Variants in NPIPA5 observed in about 807,000 individuals in gnomAD.
NPIPA5 encodes nuclear pore complex-interacting protein family member A5.
Under a neutral mutation model 21.4 loss-of-function variants are expected in NPIPA5, and 6 were observed. The observed-to-expected ratio is 0.28, with a 90% CI of 0.15 to 0.55. NPIPA5 has a LOEUF of 0.55. Ranked by LOEUF, NPIPA5 falls within the 20% of genes least tolerant of loss-of-function variation. NPIPA5 has a pLI of 0.93. For missense variants in NPIPA5, 99 were observed against 318.2 expected (o/e 0.31, Z 5.24); for synonymous variants, 33 against 115.3 (o/e 0.29, Z 4.57).
intron 4 of NPIPA5, among the ~76,000 whole-genome samples, chr16:15,369,005 A>T (rs1190101678): frequency 8.8e-6 from 1 of 113,848 alleles, no homozygotes; most frequent in South Asian, 3.0e-4. Context: ...AAAAAAAAAA[A>T]TTGGCCGAAT....
At chr16:15,372,887 CT>C (rs954788075) in intron 2 of NPIPA5, among the ~76,000 whole-genome samples, 6 of 146,262 alleles carry the variant, frequency 4.1e-5, no homozygotes, top group African/African-American at 1.2e-4. Flanking sequence ...CAAGTACAGA[CT>C]TTTGACATAC....
upstream of NPIPA5, among the ~76,000 whole-genome samples, chr16:15,380,521 C>G (rs1189895252): frequency 6.6e-6 from 1 of 151,838 alleles, no homozygotes; most frequent in Non-Finnish European, 1.5e-5. Flanking sequence ...CGAGGTTTTG[C>G]CATATTGGTC....
At chr16:15,380,575 A>G (rs1267993780), upstream of NPIPA5, among the ~76,000 whole-genome samples, 1 of 152,032 alleles carries the variant, frequency 6.6e-6, no homozygotes, top group Non-Finnish European at 1.5e-5. Flanking sequence ...CACCAGCCTC[A>G]GCCTCCCAAA....
At chr16:15,376,531 AAAT>A (rs2050297908) in intron 1 of NPIPA5, among the ~76,000 whole-genome samples, 2 of 149,536 alleles carry the variant, frequency 1.3e-5, no homozygotes, top group South Asian at 4.3e-4. Context: ...TGTCTCAAAT[AAAT>A]AAATAAATAA....
At chr16:15,377,657 AAGGGG>A (rs1421513195) in intron 1 of NPIPA5, among the ~76,000 whole-genome samples, 1 of 73,974 alleles carries the variant, frequency 1.4e-5, no homozygotes, top group African/African-American at 5.6e-5. Context: ...GGGGAAGGGG[AAGGGG>A]AGGGGAAGGG....
Position 15,363,989 on chromosome 16 carries a change from G to A in NPIPA5, c.723C>T (p.Asn241=). The A allele has an allele frequency of 6.3e-7, 1 of 1,586,334 alleles. No individual in the cohort carries two copies. The highest frequency in any genetic ancestry group is 8.5e-7 in the Non-Finnish European group (1 of 1,174,786). Residue 241 remains asparagine, a synonymous_variant, in exon 8 of 8, where the codon AAC becomes AAT. Coordinates refer to ENST00000360151, the MANE Select transcript of NPIPA5 (RefSeq NM_001277325.2). ...WPYLTAETLK[N]RMGHQPPPPT... The stretch of plus-strand genomic sequence containing the variant: ...GAGGAGGTGGCTGGTGGCCCATCCT[G>A]TTTTTTAAAGTTTCAGCTGTGAGGT...
Position 15,375,857 on chromosome 16 carries a change from A to G in NPIPA5, c.64-2014T>C, listed in dbSNP as rs1009701226. Reference sequence around the variant, plus strand: ...ATTAGACTCTTATGTGAGTGAAGACAAAGACTTCCCCTGAGTAAGTTCAGA... The same window carrying G: ...ATTAGACTCTTATGTGAGTGAAGACGAAGACTTCCCCTGAGTAAGTTCAGA... On this transcript the variant is annotated intron_variant, in intron 1 of 7. Coordinates refer to ENST00000360151, the MANE Select transcript of NPIPA5 (RefSeq NM_001277325.2). 4.9e-3 allele frequency among the ~76,000 whole-genome samples: 738 copies of G among 151,930 alleles called. 14 individuals carry two copies. Among genetic ancestry groups the G allele is most frequent in the African/African-American group, 0.016 (661 of 41,448 alleles).
chr16:15,380,208 T>A (rs1030648265), upstream of NPIPA5, among the ~76,000 whole-genome samples: 5 of 152,010 alleles, frequency 3.3e-5, no homozygotes, highest in African/African-American at 9.7e-5. Context: ...GGTTAATTCT[T>A]TTATTCAAAA....
In NPIPA5 at chr16:15,370,633, C is replaced by T. The variant is rs1045527030; in HGVS notation, c.193-514G>A. On this transcript the variant is annotated intron_variant, in intron 2 of 7. Coordinates refer to ENST00000360151, the MANE Select transcript of NPIPA5 (RefSeq NM_001277325.2). Reference sequence around the variant, plus strand: ...AGGCATGGTGGTGCATGCCTGTAATCCCAGCTAGTCGGGAGGCTGAGGCAG... The same window carrying T: ...AGGCATGGTGGTGCATGCCTGTAATTCCAGCTAGTCGGGAGGCTGAGGCAG... Among the ~76,000 whole-genome samples the T allele has an allele frequency of 4.2e-5, 6 of 142,432 alleles. 1 individual carries two copies. Among genetic ancestry groups the T allele is most frequent in the African/African-American group, 1.5e-4 (6 of 39,350 alleles). The allele number at this position is 142,432 out of a possible 152,430, so 93.4% of individuals were successfully genotyped here.
intron 1 of NPIPA5, among the ~76,000 whole-genome samples, chr16:15,375,531 C>T (rs1328687561): frequency 3.3e-5 from 5 of 151,034 alleles, no homozygotes; most frequent in Admixed American, 2.6e-4. Flanking sequence ...ACCACGAGAT[C>T]AGGAGATTGA....
At chr16:15,376,174 C>G (rs992576090) in intron 1 of NPIPA5, among the ~76,000 whole-genome samples, 3 of 150,944 alleles carry the variant, frequency 2.0e-5, no homozygotes, top group East Asian at 1.9e-4. Context: ...AGCAAGCTAA[C>G]CTATGATAAG....
At chr16:15,380,505 T>G (rs569945179), upstream of NPIPA5, among the ~76,000 whole-genome samples, 693 of 152,084 alleles carry the variant, frequency 4.6e-3, 5 homozygotes, top group African/African-American at 0.016. Context: ...GTATTTTTAG[T>G]AGGGACGAGG....
At chr16:15,369,322 G>C (rs901197614) in intron 4 of NPIPA5, among the ~76,000 whole-genome samples, 8 of 149,818 alleles carry the variant, frequency 5.3e-5, no homozygotes, top group Non-Finnish European at 8.9e-5. Flanking sequence ...TGGGCGTGGT[G>C]GTGGGCACCT....
chr16:15,370,374 C>T (rs1468126475), intron 2 of NPIPA5, among the ~76,000 whole-genome samples: 14 of 139,548 alleles, frequency 1.0e-4, no homozygotes, highest in East Asian at 4.6e-4. Flanking sequence ...TGCAGTGAGC[C>T]GAGATCACAC....
chr16:15,369,427 A>G (rs1345738017), intron 4 of NPIPA5, among the ~76,000 whole-genome samples: 1 of 151,558 alleles, frequency 6.6e-6, no homozygotes, highest in African/African-American at 2.4e-5. Context: ...GGCCTGGGCA[A>G]CAAGAGCAAA....
chr16:15,379,434 G>T (rs1038579004), upstream of NPIPA5, among the ~76,000 whole-genome samples: 1 of 151,400 alleles, frequency 6.6e-6, no homozygotes, highest in South Asian at 2.1e-4. Context: ...GGGTGTGGTG[G>T]TGGGCACCTG....
At chr16:15,377,614 G>C (rs193262704) in intron 1 of NPIPA5, among the ~76,000 whole-genome samples, 1 of 127,426 alleles carries the variant, frequency 7.8e-6, no homozygotes, top group African/African-American at 2.9e-5. Context: ...GACCGGGGCC[G>C]GATCTGAGTT....
chr16:15,370,450 A>AC (rs55851725), intron 2 of NPIPA5, among the ~76,000 whole-genome samples: 10 of 141,656 alleles, frequency 7.1e-5, no homozygotes, highest in South Asian at 2.4e-4. Flanking sequence ...ACACACACAC[A>AC]AACACACAAG....
At chr16:15,367,333 T>A (rs1278771355) in intron 4 of NPIPA5, among the ~76,000 whole-genome samples, 1 of 152,138 alleles carries the variant, frequency 6.6e-6, no homozygotes, top group Non-Finnish European at 1.5e-5. Context: ...ACTCTTGTCA[T>A]CGACTTTAAA....
Sources: allele counts gnomAD v4.1 joint callset (sites outside exome capture counted in the v4.1 genomes callset), GRCh38; gene constraint gnomAD v4.1.1; transcripts MANE v1.5; gene names NCBI Gene and HGNC (gene_info 2026-07-23, HGNC 2026-07-21).